The following TRIM5 variants were observed in gnomAD, a reference collection of about 807,000 sequenced individuals.
TRIM5 encodes the protein tripartite motif-containing protein 5.
In TRIM5, 31 loss-of-function variants were observed where a neutral mutation model predicts 35.6. The ratio of observed to expected loss-of-function variants is 0.87; its 90% CI spans 0.65 to 1.18. The LOEUF (loss-of-function observed/expected upper bound fraction) is 1.18. TRIM5 is among the 50% of genes most tolerant of loss of function. TRIM5 has a pLI of 0.00. For missense variants in TRIM5, 609 were observed against 591.6 expected (o/e 1.03, Z -0.31); for synonymous variants, 243 against 215.6 (o/e 1.13, Z -1.11).
At chr11:5,641,719 T>G in the TRIM5 span, among the ~76,000 whole-genome samples, 1 of 152,182 alleles carries the variant, frequency 6.6e-6, no homozygotes, top group Admixed American at 6.5e-5. Flanking sequence ...TCTCTGCCAG[T>G]TCACACACTT....
chr11:5,622,367 C>T, the TRIM5 span, among the ~76,000 whole-genome samples: 12 of 151,870 alleles, frequency 7.9e-5, no homozygotes, highest in Non-Finnish European at 2.9e-5. Flanking sequence ...ATGGCGTGAA[C>T]CCGGCAGGCG....
At chr11:5,645,916 G>GATATATATATATATATCTATATAT in the TRIM5 span, 1 of 142,574 alleles carries the variant, frequency 7.0e-6, no homozygotes, top group African/African-American at 3.1e-5. Flanking sequence ...GATATATATA[G>GATATATATATATATATCTATATAT]ATATATATAT....
At chr11:5,643,323 T>C in the TRIM5 span, 3 of 1,613,986 alleles carry the variant, frequency 1.9e-6, no homozygotes, top group African/African-American at 1.3e-5. Context: ...GAAAACTGCC[T>C]GGATCCTGGG....
At chr11:5,674,306 C>A (rs1305300635) in intron 4 of TRIM5, among the ~76,000 whole-genome samples, 1 of 152,108 alleles carries the variant, frequency 6.6e-6, no homozygotes, top group Non-Finnish European at 1.5e-5. Flanking sequence ...AAACAACCAT[C>A]CAAGAACTAA....
At chr11:5,610,354 T>A in the TRIM5 span, 5 of 1,443,376 alleles carry the variant, frequency 3.5e-6, no homozygotes, top group Non-Finnish European at 4.8e-6. Flanking sequence ...AAGAGGGAGG[T>A]CCCAGAGGGA....
chr11:5,645,470 A>G, the TRIM5 span, among the ~76,000 whole-genome samples: 1 of 152,110 alleles, frequency 6.6e-6, no homozygotes, highest in African/African-American at 2.4e-5. Context: ...TTGTCATACA[A>G]TTCAATGCTA....
At chr11:5,596,044 G>A in the TRIM5 span, 2 of 152,316 alleles carry the variant, frequency 1.3e-5, no homozygotes, top group Non-Finnish European at 2.9e-5. Context: ...CCATGGAATC[G>A]GCTGGATCTC....
At chr11:5,608,342 C>T in the TRIM5 span, 18 of 1,612,782 alleles carry the variant, frequency 1.1e-5, no homozygotes, top group East Asian at 2.2e-5. Context: ...CCTGTTACTC[C>T]TTGACTTAAC....
the TRIM5 span, among the ~76,000 whole-genome samples, chr11:5,628,719 A>G: frequency 6.6e-6 from 1 of 152,184 alleles, no homozygotes; most frequent in Non-Finnish European, 1.5e-5. Context: ...GTAACCAATT[A>G]TCACAAACTA....
chr11:5,617,035 CTT>C, the TRIM5 span, among the ~76,000 whole-genome samples: 1,737 of 126,550 alleles, frequency 0.014, 136 homozygotes, highest in African/African-American at 0.043. Flanking sequence ...CCACGCCCAG[CTT>C]TTTTTTTTTT....
At chr11:5,643,189 T>G in the TRIM5 span, 5 of 1,602,480 alleles carry the variant, frequency 3.1e-6, no homozygotes, top group Non-Finnish European at 3.4e-6. Flanking sequence ...AATCTTGTCC[T>G]TTCAGAAGAT....
intron 5 of TRIM5, 182 bp from the exon 6 acceptor site, chr11:5,666,263 C>G: frequency 3.0e-6 from 2 of 672,624 alleles, no homozygotes; most frequent in South Asian, 3.2e-5. Flanking sequence ...GTTTGCCTTC[C>G]CACTTACTTT....
At chr11:5,605,227 TG>T in the TRIM5 span, 10 of 1,438,086 alleles carry the variant, frequency 7.0e-6, no homozygotes, top group Non-Finnish European at 9.7e-6. Context: ...TCCCTCTCCC[TG>T]GGAGGCTTGG....
At chr11:5,643,544 G>T in the TRIM5 span, 3 of 1,613,984 alleles carry the variant, frequency 1.9e-6, no homozygotes, top group Admixed American at 1.7e-5. Flanking sequence ...GCCGTGTTGG[G>T]GTTTTCCTCG....
chr11:5,595,213 A>C, the TRIM5 span: 3 of 152,196 alleles, frequency 2.0e-5, no homozygotes, highest in Admixed American at 1.3e-4. Context: ...GCCACCTTCT[A>C]AGGCAAGGTG....
At chr11:5,595,473 CATGCCATT>C in the TRIM5 span, 7 of 152,182 alleles carry the variant, frequency 4.6e-5, no homozygotes, top group African/African-American at 1.4e-4. Flanking sequence ...TTTGGCAAAA[CATGCCATT>C]ATGCAAAGGG....
rs1852298338 is a variant in TRIM5, at chr11:5,679,917, T to C, written c.261A>G (p.Pro87=). The C allele has an allele frequency of 6.2e-7, 1 of 1,613,986 alleles. No individual in the cohort carries two copies. The highest frequency in any genetic ancestry group is 8.5e-7 in the Non-Finnish European group (1 of 1,180,030). Residue 87 remains proline, a synonymous_variant, in exon 2 of 8, where the codon CCA becomes CCG. Transcript: ENST00000380034. ...CACAATGATCAACTTTCTGCCCCTC[T>C]GGGCTCAACTTGACCTCCCTGAGCT... is the stretch of plus-strand genomic sequence containing the variant. The part of the protein sequence containing the change: ...VEKLREVKLS[P]EGQKVDHCAR...
At chr11:5,599,216 C>T in the TRIM5 span, among the ~76,000 whole-genome samples, 1 of 152,126 alleles carries the variant, frequency 6.6e-6, no homozygotes, top group African/African-American at 2.4e-5. Flanking sequence ...GGATTCTTTT[C>T]AGTTTGGGAC....
At chr11:5,608,452 C>G in the TRIM5 span, 1 of 1,604,904 alleles carries the variant, frequency 6.2e-7, no homozygotes, top group Non-Finnish European at 8.5e-7. Flanking sequence ...TTCCTTTACC[C>G]ATGATCAGTG....
Sources: allele counts gnomAD v4.1 joint callset (sites outside exome capture counted in the v4.1 genomes callset), GRCh38; gene constraint gnomAD v4.1.1; transcripts MANE v1.5; gene names NCBI Gene and HGNC (gene_info 2026-07-23, HGNC 2026-07-21).